The following GATB variants were observed in gnomAD, a reference collection of about 807,000 sequenced individuals.
GATB encodes glutamyl-tRNA amidotransferase subunit B.
Under a neutral mutation model 62.3 loss-of-function variants are expected in GATB, and 39 were observed. The ratio of observed to expected loss-of-function variants is 0.63; its 90% CI spans 0.48 to 0.82. GATB has a LOEUF of 0.82. GATB is among the 40% of genes least tolerant of loss of function. The pLI is 0.00. For missense variants in GATB, 670 were observed against 684.0 expected, an observed-to-expected ratio of 0.98 and a Z score of 0.23; for synonymous variants, 276 against 258.9, an observed-to-expected ratio of 1.07 and a Z score of -0.63.
At chr4:151,681,684 C>T (rs1019446464) in intron 10 of GATB, among the ~76,000 whole-genome samples, 2 of 152,198 alleles carry the variant, frequency 1.3e-5, no homozygotes, top group East Asian at 3.9e-4. Flanking sequence ...GCTGCTCTAA[C>T]AGGTTAGTAC....
chr4:151,675,432 T>G (rs1737979276), intron 11 of GATB: 1 of 152,198 alleles, frequency 6.6e-6, no homozygotes, highest in Non-Finnish European at 1.5e-5. Context: ...CATCCTTTGC[T>G]CAATCCTATT....
At chr4:151,717,312 T>C (rs991932455) in intron 3 of GATB, 6 of 530,090 alleles carry the variant, frequency 1.1e-5, no homozygotes, top group African/African-American at 9.5e-5. Flanking sequence ...CTGATAACGA[T>C]GCAATAAACA....
At chr4:151,695,939 T>G in intron 9 of GATB, among the ~76,000 whole-genome samples, 1 of 145,978 alleles carries the variant, frequency 6.9e-6, no homozygotes, top group Non-Finnish European at 1.5e-5. Context: ...AATTTTTTTT[T>G]TTTTTTTTTT....
rs113829752 is a variant in GATB at position 151,705,363 on chromosome 4, TA to T, written c.878-95del. 0.3 allele frequency: 168,460 copies of T among 560,674 alleles called. 575 individuals are homozygous for T. The highest frequency in any genetic ancestry group is 0.37 in the South Asian group (15,827 of 43,160). 34.7% of individuals were successfully genotyped at this position (560,674 alleles called of 1,614,324 possible). On this transcript the variant is annotated intron_variant, in intron 6 of 12. Transcript: ENST00000263985. The stretch of plus-strand genomic sequence containing the variant: ...AAACAACCTTTCTCAATCTCTAAGT[TA>T]AAAAAAAAAAAAATCAAGAAGATTG...
rs1739214202 is a variant in GATB, at chr4:151,730,110, T to G, written c.328-10572A>C. On this transcript the variant is annotated intron_variant, in intron 2 of 12. Coordinates refer to ENST00000263985, the MANE Select transcript of GATB (RefSeq NM_004564.3). This position sits in a 1 kb window ranked among gnomAD's most constrained non-coding sequence, Gnocchi z 4.1. The stretch of plus-strand genomic sequence containing the variant: ...GGTGTGGTGGGAGTGAGACTGGCCC[T>G]TTGGTTTGTGTGGGAGCTGGGTGAG... 6.6e-6 allele frequency among the ~76,000 whole-genome samples: 1 copy of G among 152,136 alleles called. No homozygotes were observed. The highest frequency in any genetic ancestry group is 1.5e-5 in the Non-Finnish European group (1 of 68,018).
chr4:151,745,758 A>G (rs1739582621), intron 2 of GATB, among the ~76,000 whole-genome samples: 1 of 152,254 alleles, frequency 6.6e-6, no homozygotes, highest in African/African-American at 2.4e-5. Flanking sequence ...AAAGTTTTGT[A>G]AAATGTAGTA....
chr4:151,671,421 G>T, intron 12 of GATB, 119 bp from the exon 13 acceptor site: 3 of 956,232 alleles, frequency 3.1e-6, no homozygotes, highest in South Asian at 1.6e-5. Context: ...ACTAGTATTA[G>T]ACATAAAATG....
Position 151,735,084 on chromosome 4 carries a change from G to A in GATB, c.328-15546C>T, listed in dbSNP as rs537689481. 2.6e-5 allele frequency among the ~76,000 whole-genome samples: 4 copies of A among 152,126 alleles called. No individual in the cohort carries two copies. In the South Asian group the frequency reaches 8.3e-4, roughly 32 times the overall value. Reference sequence around the variant, plus strand: ...AGTAAAAGCAAAGATAAATAGCTGGGACCTAATTAAACTAAAGAGCTTTTG... The same window carrying A: ...AGTAAAAGCAAAGATAAATAGCTGGAACCTAATTAAACTAAAGAGCTTTTG... On this transcript the variant is annotated intron_variant, in intron 2 of 12. Transcript: ENST00000263985.
At chr4:151,708,611 A>G (rs910723559) in intron 5 of GATB, among the ~76,000 whole-genome samples, 2 of 152,226 alleles carry the variant, frequency 1.3e-5, no homozygotes, top group African/African-American at 4.8e-5. Flanking sequence ...TTTGCAGCTC[A>G]AGGGCAAGAA....
chr4:151,679,737 G>A, intron 11 of GATB, 76 bp downstream of exon 11: 2 of 1,176,224 alleles, frequency 1.7e-6, no homozygotes, highest in South Asian at 2.4e-5. Flanking sequence ...GTCACTCAGT[G>A]ATGGCATTTG....
chr4:151,713,890 C>T (rs1368596871), intron 5 of GATB, among the ~76,000 whole-genome samples: 1 of 152,204 alleles, frequency 6.6e-6, no homozygotes, highest in Non-Finnish European at 1.5e-5. Flanking sequence ...ATAACTCCCA[C>T]CTCTCTAAGC....
chr4:151,748,219 CA>C (rs1739642111), intron 2 of GATB, among the ~76,000 whole-genome samples: 1 of 152,134 alleles, frequency 6.6e-6, no homozygotes. Flanking sequence ...AATCCTAAGC[CA>C]AAAGAACAAA....
At chr4:151,692,390 A>G (rs6822737) in intron 9 of GATB, among the ~76,000 whole-genome samples, 22,356 of 152,264 alleles carry the variant, frequency 0.15, 1,952 homozygotes, top group African/African-American at 0.25. Flanking sequence ...TGAAGAAAGC[A>G]CTTTCCCACA....
At chr4:151,726,885 CA>C (rs1739147662) in intron 2 of GATB, among the ~76,000 whole-genome samples, 1 of 152,156 alleles carries the variant, frequency 6.6e-6, no homozygotes, top group African/African-American at 2.4e-5. Context: ...CACTTGATGT[CA>C]GCATGGCTTT....
intron 11 of GATB, chr4:151,677,229 AT>A (rs763500983): frequency 6.6e-6 from 1 of 152,246 alleles, no homozygotes; most frequent in Non-Finnish European, 1.5e-5. Flanking sequence ...TTGGAAAAAA[AT>A]ATCTGTAACA....
intron 10 of GATB, 41 bp from the exon 11 acceptor site, chr4:151,679,932 C>T: frequency 6.4e-7 from 1 of 1,561,334 alleles, no homozygotes; most frequent in South Asian, 1.1e-5. Context: ...ACATTGCACA[C>T]TGTCAGGGCA....
chr4:151,719,751 C>T (rs1175173867), intron 2 of GATB: 1 of 400,662 alleles, frequency 2.5e-6, no homozygotes, highest in East Asian at 5.3e-5. Flanking sequence ...CAGTGGGTCC[C>T]ACCGGGCACT....
At position 151,705,448 on chromosome 4, in the gene GATB, T is replaced by C. The variant is rs1738696950; in HGVS notation, c.878-179A>G. On this transcript the variant is annotated intron_variant, in intron 6 of 12. Transcript: ENST00000263985. ...CCTTCTCACTGCCATCGTAGAATAT[T>C]GGTGTTGGAAAGGGCCTTAGGAAGG... 2.6e-5 allele frequency among the ~76,000 whole-genome samples: 4 copies of C among 152,212 alleles called. No homozygotes were observed. In the South Asian group the frequency reaches 8.3e-4, roughly 32 times the overall value.
At chr4:151,693,197 A>G (rs1738401427) in intron 9 of GATB, among the ~76,000 whole-genome samples, 1 of 152,216 alleles carries the variant, frequency 6.6e-6, no homozygotes, top group East Asian at 1.9e-4. Flanking sequence ...ATGGCCCTGA[A>G]AATAACACCA....
Sources: allele counts gnomAD v4.1 joint callset (sites outside exome capture counted in the v4.1 genomes callset), GRCh38; gene constraint gnomAD v4.1.1; non-coding constraint Gnocchi (gnomAD v3.1); transcripts MANE v1.5; gene names NCBI Gene and HGNC (gene_info 2026-07-23, HGNC 2026-07-21).